The following RARB variants were observed in gnomAD, a reference collection of about 807,000 sequenced individuals.
The protein encoded by RARB is HBV-activated protein.
In RARB, 17 loss-of-function variants were observed where a neutral mutation model predicts 51.9. The observed-to-expected ratio is 0.33, with a 90% CI of 0.22 to 0.49. The LOEUF (loss-of-function observed/expected upper bound fraction) is 0.49, where lower values mean the gene tolerates loss of function less well. Among genes scored for constraint, RARB ranks in the 20% least tolerant of loss-of-function variants. RARB has a pLI of 0.99. For synonymous variants in RARB, 215 were observed against 195.4 expected (o/e 1.10, Z -0.84); for missense variants, 369 against 550.8 (o/e 0.67, Z 3.30).
intron 2 of RARB, among the ~76,000 whole-genome samples, chr3:24,971,291 T>A (rs1357327076): frequency 6.6e-6 from 1 of 152,034 alleles, no homozygotes; most frequent in African/African-American, 2.4e-5. Flanking sequence ...GGTTAGTCAT[T>A]TAATCCTTAG....
At chr3:25,241,040 CTTGA>C (rs1474843699) in intron 5 of RARB, among the ~76,000 whole-genome samples, 1 of 152,112 alleles carries the variant, frequency 6.6e-6, no homozygotes, top group Non-Finnish European at 1.5e-5. Context: ...TCTATTTCTT[CTTGA>C]TTAAGTCTAA....
At chr3:25,239,105 C>G (rs1388051147) in intron 5 of RARB, among the ~76,000 whole-genome samples, 1 of 152,122 alleles carries the variant, frequency 6.6e-6, no homozygotes, top group African/African-American at 2.4e-5. Flanking sequence ...TGTATGTTTT[C>G]TTTTGAGAAA....
intron 3 of RARB, among the ~76,000 whole-genome samples, chr3:25,559,066 C>T (rs1700167018): frequency 6.6e-6 from 1 of 151,896 alleles, no homozygotes; most frequent in Admixed American, 6.6e-5. Context: ...ATGTTTTTTC[C>T]TCCCCTTTTG....
intron 3 of RARB, among the ~76,000 whole-genome samples, chr3:25,116,215 T>C (rs1699684863): frequency 6.6e-6 from 1 of 152,180 alleles, no homozygotes; most frequent in African/African-American, 2.4e-5. Flanking sequence ...TGAAATTGTA[T>C]ACTGCAGCAA....
chr3:25,354,953 A>T lies in RARB; in HGVS notation c.179-106240A>T, dbSNP rs557548550. ...AGAAACCATGAAACCATGAGCACACACTCTGCATTCAGGCTATCTGGGTTT... is the reference window on the plus strand; with the variant it reads ...AGAAACCATGAAACCATGAGCACACTCTCTGCATTCAGGCTATCTGGGTTT... On this transcript the variant is annotated intron_variant, in intron 5 of 11. Transcript: ENST00000383772. Among the ~76,000 whole-genome samples the T allele has an allele frequency of 2.0e-5, 3 of 151,068 alleles. No individual in the cohort carries two copies. In the South Asian group the frequency reaches 6.3e-4, roughly 32 times the overall value.
chr3:24,916,378 C>T (rs953407376), intron 2 of RARB, among the ~76,000 whole-genome samples: 1 of 152,144 alleles, frequency 6.6e-6, no homozygotes, highest in African/African-American at 2.4e-5. Flanking sequence ...CCCATGTCTC[C>T]TGACCAATGA....
At chr3:24,983,197 C>T (rs35302568) in intron 2 of RARB, among the ~76,000 whole-genome samples, 30,313 of 151,970 alleles carry the variant, frequency 0.2, 3,605 homozygotes, top group East Asian at 0.3. Flanking sequence ...CATAGGTACA[C>T]ACATCTGCCA....
intron 5 of RARB, among the ~76,000 whole-genome samples, chr3:25,307,502 G>T (rs765097384): frequency 2.0e-5 from 3 of 152,140 alleles, no homozygotes; most frequent in Non-Finnish European, 4.4e-5. Flanking sequence ...TTCCTCAATG[G>T]CATCTCTGGT....
intron 1 of RARB, among the ~76,000 whole-genome samples, chr3:25,436,826 TTCTCCCTGGTCC>T (rs1268495484): frequency 1.3e-5 from 2 of 152,206 alleles, no homozygotes; most frequent in Non-Finnish European, 2.9e-5. Flanking sequence ...TTACTGCTGC[TTCTCCCTGGTCC>T]TCTCAGAATT....
At chr3:25,423,329 G>T (rs1158710013), upstream of RARB, among the ~76,000 whole-genome samples, 1 of 152,144 alleles carries the variant, frequency 6.6e-6, no homozygotes, top group Non-Finnish European at 1.5e-5. Context: ...TTAACAGCTG[G>T]CCATTGGTTA....
At chr3:24,846,128 A>G (rs577449994) in intron 1 of RARB, among the ~76,000 whole-genome samples, 1 of 152,350 alleles carries the variant, frequency 6.6e-6, no homozygotes, top group East Asian at 1.9e-4. Flanking sequence ...AGAAAAGGTA[A>G]GACAAAATTG....
chr3:25,375,143 A>T (rs949330355), intron 5 of RARB, among the ~76,000 whole-genome samples: 6 of 152,344 alleles, frequency 3.9e-5, no homozygotes, highest in Admixed American at 3.9e-4. Flanking sequence ...CAGGGAAAAA[A>T]ATAAAGCCTG....
intron 2 of RARB, among the ~76,000 whole-genome samples, chr3:24,948,089 G>A (rs1489275190): frequency 1.3e-5 from 2 of 152,128 alleles, no homozygotes; most frequent in Non-Finnish European, 2.9e-5. Context: ...AGGATTCAAG[G>A]CTCATTTCTC....
At chr3:24,986,925 A>G (rs756660963) in intron 2 of RARB, among the ~76,000 whole-genome samples, 2 of 152,106 alleles carry the variant, frequency 1.3e-5, no homozygotes, top group African/African-American at 4.8e-5. Flanking sequence ...GAAGCTAAGA[A>G]TAGCCTATGA....
rs568453064 is a variant in RARB at position 25,133,727 on chromosome 3, A to G, written c.-280+1519A>G. On this transcript the variant is annotated intron_variant, in intron 4 of 11. Transcript: ENST00000383772. ...ATTCAGAAAGGAGTTTCACTAAAAT[A>G]TAAGAGTTTTTGGCAAAGCTGTACA... Among the ~76,000 whole-genome samples, 4 of 152,106 alleles carry G rather than the reference A, an allele frequency of 2.6e-5. No individual in the cohort carries two copies. In the South Asian group the frequency reaches 8.3e-4, roughly 31 times the overall value.
rs1403652083 is a variant in RARB, at chr3:25,446,793, A to G, written c.158-14400A>G. 4.2e-5 allele frequency among the ~76,000 whole-genome samples: 5 copies of G among 118,920 alleles called. No individual in the cohort carries two copies. In the Admixed American group the frequency reaches 5.2e-4, roughly 12 times the overall value. 78.0% of individuals were successfully genotyped at this position (118,920 alleles called of 152,430 possible). On this transcript the variant is annotated intron_variant, in intron 1 of 7. Transcript: ENST00000330688. ...ACTCCAGCCTGGGTGACAGAGCCAG[A>G]CTCCGTCTCAAAAAAAAAAAAAAAA...
intron 1 of RARB, among the ~76,000 whole-genome samples, chr3:24,856,723 C>T (rs771932512): frequency 5.3e-5 from 8 of 152,170 alleles, no homozygotes; most frequent in Non-Finnish European, 1.2e-4. Flanking sequence ...TTAAATCTTA[C>T]CAGGTCTTGA....
intron 2 of RARB, among the ~76,000 whole-genome samples, chr3:24,918,154 T>TTG (rs1462145081): frequency 3.3e-5 from 5 of 151,652 alleles, no homozygotes; most frequent in African/African-American, 1.2e-4. Flanking sequence ...ATCCAAATGT[T>TTG]CATCAACTGG....
intron 5 of RARB, among the ~76,000 whole-genome samples, chr3:25,422,872 T>C (rs568967173): frequency 3.3e-5 from 5 of 152,258 alleles, no homozygotes; most frequent in Admixed American, 2.0e-4. Flanking sequence ...TTCTGTGAAA[T>C]TGTTAAATGT....
Sources: allele counts gnomAD v4.1 joint callset (sites outside exome capture counted in the v4.1 genomes callset), GRCh38; gene constraint gnomAD v4.1.1; transcripts MANE v1.5; gene names NCBI Gene and HGNC (gene_info 2026-07-23, HGNC 2026-07-21).